Variants in OSBPL9 observed in about 807,000 individuals in gnomAD.
OSBPL9 encodes the protein oxysterol-binding protein-related protein 9.
A neutral mutation model predicts 106.6 loss-of-function variants in OSBPL9; 40 were observed. That is an observed-to-expected ratio of 0.38 (90% CI 0.29 to 0.49). The LOEUF (loss-of-function observed/expected upper bound fraction) is 0.49, where lower values mean the gene tolerates loss of function less well. OSBPL9 is among the 20% of genes least tolerant of loss of function. The pLI, the probability that OSBPL9 is intolerant of heterozygous loss-of-function variation, is 0.97. For synonymous variants in OSBPL9, 269 were observed against 295.4 expected, an observed-to-expected ratio of 0.91 and a Z score of 0.92; for missense variants, 609 against 887.2, an observed-to-expected ratio of 0.69 and a Z score of 3.98.
chr1:51,738,390 T>C (rs989973658), intron 4 of OSBPL9, among the ~76,000 whole-genome samples: 5 of 152,096 alleles, frequency 3.3e-5, no homozygotes, highest in African/African-American at 1.2e-4. Flanking sequence ...AAACCTTTCT[T>C]TGTAAATTTA....
rs148050424 is a variant in OSBPL9 at position 51,789,023 on chromosome 1, G to A, written c.*1234G>A. Among the ~76,000 whole-genome samples, 9 of 152,246 alleles carry A rather than the reference G, an allele frequency of 5.9e-5. No individual in the cohort carries two copies. Among genetic ancestry groups the A allele is most frequent in the African/African-American group, 9.6e-5 (4 of 41,540 alleles). On this transcript the variant is annotated 3_prime_UTR_variant, in exon 24 of 24. Coordinates refer to ENST00000428468, the MANE Select transcript of OSBPL9 (RefSeq NM_024586.6). ...GTGCTGCTGCAGGCTTTCTGGTCTC[G>A]CTTGGCCCATTCTGCTAATTTTCCT... is the stretch of plus-strand genomic sequence containing the variant.
At chr1:51,670,679 T>C (rs1332685835) in intron 3 of OSBPL9, among the ~76,000 whole-genome samples, 1 of 152,258 alleles carries the variant, frequency 6.6e-6, no homozygotes, top group Non-Finnish European at 1.5e-5. Context: ...TTTGATGATA[T>C]AATTTATTCA....
intron 1 of OSBPL9, among the ~76,000 whole-genome samples, chr1:51,634,558 A>G (rs532249302): frequency 1.3e-5 from 2 of 152,354 alleles, no homozygotes; most frequent in Admixed American, 6.5e-5. Flanking sequence ...ATTCACGTGC[A>G]TAAGCATGGG....
chr1:51,677,544 G>A (rs964589674), intron 3 of OSBPL9, among the ~76,000 whole-genome samples: 1 of 151,926 alleles, frequency 6.6e-6, no homozygotes, highest in Non-Finnish European at 1.5e-5. Flanking sequence ...AGGACTTTAC[G>A]GAAAACTTTT....
intron 2 of OSBPL9, among the ~76,000 whole-genome samples, chr1:51,602,299 C>T (rs1264968709): frequency 1.3e-5 from 2 of 151,852 alleles, no homozygotes; most frequent in East Asian, 1.9e-4. Flanking sequence ...TGAGCCACCG[C>T]GCCCAGCCAG....
Position 51,655,788 on chromosome 1 carries a change from C to G in OSBPL9, c.162+3747C>G, listed in dbSNP as rs143644680. On this transcript the variant is annotated intron_variant, in intron 2 of 23. Transcript: ENST00000428468. ...TCATAAGCTTCCTGAGCTTTAGTTT[C>G]CTCTTCTTTAAGGTGGAGATAATAC... 3.9e-5 allele frequency among the ~76,000 whole-genome samples: 6 copies of G among 152,254 alleles called. No homozygotes were observed. In the East Asian group the frequency reaches 1.2e-3, roughly 29 times the overall value.
intron 3 of OSBPL9, among the ~76,000 whole-genome samples, chr1:51,673,764 G>C (rs537849232): frequency 6.6e-6 from 1 of 152,306 alleles, no homozygotes; most frequent in African/African-American, 2.4e-5. Flanking sequence ...AGCTATTCAG[G>C]AGGCTGAGGC....
chr1:51,662,255 AAAG>A (rs1647233204), intron 2 of OSBPL9, among the ~76,000 whole-genome samples: 1 of 152,194 alleles, frequency 6.6e-6, no homozygotes, highest in Non-Finnish European at 1.5e-5. Flanking sequence ...GGCTGTTGTT[AAAG>A]AGTATAAAGA....
At chr1:51,677,363 G>A (rs1318498446) in intron 3 of OSBPL9, among the ~76,000 whole-genome samples, 2 of 152,216 alleles carry the variant, frequency 1.3e-5, no homozygotes, top group African/African-American at 2.4e-5. Context: ...GTGAGACACA[G>A]AGTTAAGTGA....
At chr1:51,735,942 C>A (rs1274460888) in intron 4 of OSBPL9, among the ~76,000 whole-genome samples, 5 of 152,156 alleles carry the variant, frequency 3.3e-5, no homozygotes, top group African/African-American at 1.2e-4. Flanking sequence ...ATTACAGCAA[C>A]CAACTAATAT....
intron 2 of OSBPL9, among the ~76,000 whole-genome samples, chr1:51,601,429 A>G (rs1645324916): frequency 6.6e-6 from 1 of 152,186 alleles, no homozygotes; most frequent in African/African-American, 2.4e-5. Context: ...AGCTATTGGG[A>G]GGCAAAGAAC....
intron 15 of OSBPL9, among the ~76,000 whole-genome samples, chr1:51,778,996 T>C (rs1038109041): frequency 6.6e-6 from 1 of 152,232 alleles, no homozygotes; most frequent in Admixed American, 6.5e-5. Flanking sequence ...ATTTGGCAAT[T>C]AAGCAATGCA....
chr1:51,609,649 C>G (rs1192753728), intron 2 of OSBPL9, among the ~76,000 whole-genome samples: 1 of 151,858 alleles, frequency 6.6e-6, no homozygotes, highest in Non-Finnish European at 1.5e-5. Flanking sequence ...CCACTCCTGG[C>G]CAGCTACCGC....
chr1:51,595,057 C>T (rs1031162668), intron 1 of OSBPL9, among the ~76,000 whole-genome samples: 15 of 152,132 alleles, frequency 9.9e-5, no homozygotes, highest in South Asian at 4.1e-4. Flanking sequence ...GACCCAGGGG[C>T]GGGGGCTGAG....
chr1:51,576,174 A>C (rs1256687110), upstream of OSBPL9, among the ~76,000 whole-genome samples: 1 of 152,186 alleles, frequency 6.6e-6, no homozygotes, highest in Admixed American at 6.5e-5. Context: ...AAAAATTCTA[A>C]AAGGGAAGAG....
At chr1:51,597,684 C>T (rs1184727394) in intron 1 of OSBPL9, among the ~76,000 whole-genome samples, 4 of 152,032 alleles carry the variant, frequency 2.6e-5, no homozygotes, top group Non-Finnish European at 4.4e-5. Context: ...GAAGAGAACC[C>T]GAGCCCTGAG....
In OSBPL9 at chr1:51,617,182, C is replaced by T. The variant is rs751338952; in HGVS notation, c.72C>T (p.Phe24=). The T allele has an allele frequency of 4.3e-6, 7 of 1,613,700 alleles. No homozygotes were observed. The highest frequency in any genetic ancestry group is 5.9e-6 in the Non-Finnish European group (7 of 1,179,864). The change falls in exon 1 of 24, where the codon TTC becomes TTT. Residue 24 remains phenylalanine, a synonymous_variant. Coordinates refer to ENST00000428468, the MANE Select transcript of OSBPL9 (RefSeq NM_024586.6). ...NVMKGWQYRW[F]VLDYNAGLLS... ...TGAAGGGCTGGCAGTACCGTTGGTT[C>T]GTGCTGGACTACAATGCAGGACTGC... is the stretch of plus-strand genomic sequence containing the variant.
At chr1:51,718,532 C>G (rs774555959) in intron 4 of OSBPL9, among the ~76,000 whole-genome samples, 56 of 152,098 alleles carry the variant, frequency 3.7e-4, no homozygotes, top group Non-Finnish European at 6.2e-4. Context: ...TTTAGAATTT[C>G]TTGTCATTGG....
At chr1:51,572,285 T>C (rs1645155371), upstream of OSBPL9, among the ~76,000 whole-genome samples, 1 of 152,146 alleles carries the variant, frequency 6.6e-6, no homozygotes, top group Middle Eastern at 3.2e-3. Flanking sequence ...AACCCAATCC[T>C]GCAGAACTTG....
Sources: allele counts gnomAD v4.1 joint callset (sites outside exome capture counted in the v4.1 genomes callset), GRCh38; gene constraint gnomAD v4.1.1; transcripts MANE v1.5; gene names NCBI Gene and HGNC (gene_info 2026-07-23, HGNC 2026-07-21).